Variants in PLBD2 observed in about 807,000 individuals in gnomAD.
PLBD2 encodes phospholipase B domain containing 2, also known as putative aminopeptidase PLBD2.
Under a neutral mutation model 68.3 loss-of-function variants are expected in PLBD2, and 51 were observed. That is an observed-to-expected ratio of 0.75 (90% confidence interval 0.60 to 0.94). The LOEUF (loss-of-function observed/expected upper bound fraction) is 0.94, where lower values mean the gene tolerates loss of function less well. Among genes scored for constraint, PLBD2 ranks in the 40% least tolerant of loss-of-function variants. The probability of loss-of-function intolerance (pLI) is 0.00; values close to 1 mark genes in which losing one functional copy is unlikely to be tolerated. For missense variants in PLBD2, 729 were observed against 792.2 expected (o/e 0.92, Z 0.96); for synonymous variants, 314 against 339.3 (o/e 0.93, Z 0.82).
rs1323455331 is a variant in PLBD2 at position 113,384,679 on chromosome 12, A to G, written c.1119-172A>G. On this transcript the variant is annotated intron_variant, in intron 7 of 11. Transcript: ENST00000280800. This position sits in a 1 kb window ranked among gnomAD's most constrained non-coding sequence, Gnocchi z 4.2. ...TGGAACAGTCAAGCAGCATGACGAG[A>G]GAGGGGTTTGTGGATACCTGGTCAT... Among the ~76,000 whole-genome samples, 1 of 152,108 alleles carries G rather than the reference A, an allele frequency of 6.6e-6. No individual in the cohort carries two copies. The highest frequency in any genetic ancestry group is 1.5e-5 in the Non-Finnish European group (1 of 68,020).
chr12:113,388,092 A>G (rs1357740807), intron 11 of PLBD2, among the ~76,000 whole-genome samples, 186 bp downstream of exon 11: 1 of 152,176 alleles, frequency 6.6e-6, no homozygotes, highest in African/African-American at 2.4e-5. Flanking sequence ...CTGTAATCCC[A>G]GCACTTTGGG....
At chr12:113,360,225 C>T (rs950328797) in intron 1 of PLBD2, among the ~76,000 whole-genome samples, 9 of 152,186 alleles carry the variant, frequency 5.9e-5, no homozygotes, top group African/African-American at 1.9e-4. Context: ...GAGGAGGCCA[C>T]AGAGTGAGCT....
At chr12:113,387,654 C>CT in intron 10 of PLBD2, 90 bp from the exon 11 acceptor site, 1 of 1,395,748 alleles carries the variant, frequency 7.2e-7, no homozygotes, top group African/African-American at 1.4e-5. Context: ...AGGCTGGCAG[C>CT]TGTTAACGGG....
intron 5 of PLBD2, among the ~76,000 whole-genome samples, chr12:113,379,677 G>A (rs1297224181): frequency 3.3e-5 from 5 of 151,618 alleles, no homozygotes; most frequent in East Asian, 2.0e-4. Flanking sequence ...GGTACCTGCC[G>A]GGGGTGGGCC....
intron 5 of PLBD2, among the ~76,000 whole-genome samples, chr12:113,375,628 C>T (rs1285995328): frequency 2.0e-5 from 3 of 152,214 alleles, no homozygotes; most frequent in African/African-American, 2.4e-5. Context: ...CTGATCTTGG[C>T]TAGGCTCACT....
intron 1 of PLBD2, among the ~76,000 whole-genome samples, chr12:113,367,849 A>C (rs973044360): frequency 6.6e-6 from 1 of 151,794 alleles, no homozygotes; most frequent in Non-Finnish European, 1.5e-5. Flanking sequence ...TGGGAGGCTG[A>C]GGTGGGCGGA....
At chr12:113,383,404 A>G (rs898464414) in intron 6 of PLBD2, among the ~76,000 whole-genome samples, 26 of 152,224 alleles carry the variant, frequency 1.7e-4, no homozygotes, top group Admixed American at 9.8e-4. Context: ...GTGCTTGTCC[A>G]AGGAACTGGT....
intron 6 of PLBD2, among the ~76,000 whole-genome samples, chr12:113,382,835 T>TTTTTGTGTGTGTGTGTGTGTG (rs1335785271): frequency 4.7e-5 from 5 of 106,610 alleles, no homozygotes; most frequent in African/African-American, 1.9e-4. Flanking sequence ...TGGTGGTTTT[T>TTTTTGTGTGTGTGTGTGTGTG]TGTGTGTGTG....
intron 9 of PLBD2, among the ~76,000 whole-genome samples, chr12:113,385,753 T>A (rs934461507): frequency 1.3e-5 from 2 of 152,084 alleles, no homozygotes; most frequent in African/African-American, 4.8e-5. Context: ...AGGATTTGTT[T>A]TTTGTTTTTT....
chr12:113,384,375 C>A lies in PLBD2; in HGVS notation c.1118+110C>A. 2 of 1,344,986 alleles carry A rather than the reference C, an allele frequency of 1.5e-6. No homozygotes were observed. The allele number at this position is 1,344,986 out of a possible 1,614,324, so 83.3% of individuals were successfully genotyped here. A position where few individuals can be genotyped will look rare whatever the true frequency, so the allele number is the denominator to read the frequency against. ...GATGTGGCATCCGGGCCACACACCCCACGCCCTCCTTTGTTTCATACATGG... is the reference window on the plus strand; with the variant it reads ...GATGTGGCATCCGGGCCACACACCCAACGCCCTCCTTTGTTTCATACATGG... On this transcript the variant is annotated intron_variant, in intron 7 of 11. Coordinates refer to ENST00000280800, the MANE Select transcript of PLBD2 (RefSeq NM_173542.4). The surrounding 1 kb of genome is among the most constrained non-coding windows in gnomAD (Gnocchi z 4.2).
In PLBD2 at chr12:113,375,107, A is replaced by T. The variant is rs73194891; in HGVS notation, c.859+100A>T. ...TGGGCCTTGGAAACCCTCCCAACAC[A>T]CGGAGTCACTGCAGGGATATTCCAA... is the stretch of plus-strand genomic sequence containing the variant. On this transcript the variant is annotated intron_variant, in intron 5 of 11. Coordinates refer to ENST00000280800, the MANE Select transcript of PLBD2 (RefSeq NM_173542.4). 4.8e-3 allele frequency: 5,121 copies of T among 1,058,950 alleles called. 21 individuals carry two copies. The highest frequency in any genetic ancestry group is 6.1e-3 in the Non-Finnish European group (4,296 of 707,224). 65.6% of individuals were successfully genotyped at this position (1,058,950 alleles called of 1,614,324 possible). A position where few individuals can be genotyped will look rare whatever the true frequency, so the allele number is the denominator to read the frequency against.
intron 1 of PLBD2, among the ~76,000 whole-genome samples, chr12:113,361,239 C>T (rs1396293449): frequency 6.6e-6 from 1 of 151,708 alleles, no homozygotes; most frequent in Non-Finnish European, 1.5e-5. Flanking sequence ...TGGTGAAATC[C>T]CCAGATTTTG....
At chr12:113,381,846 G>C (rs1046871883) in intron 6 of PLBD2, among the ~76,000 whole-genome samples, 1 of 151,758 alleles carries the variant, frequency 6.6e-6, no homozygotes, top group East Asian at 1.9e-4. Context: ...CATAGAGATA[G>C]GGTCTCTCTC....
chr12:113,371,849 G>A (rs937001079), intron 2 of PLBD2, among the ~76,000 whole-genome samples: 1 of 152,206 alleles, frequency 6.6e-6, no homozygotes, highest in Non-Finnish European at 1.5e-5. Flanking sequence ...CCCACGTCTC[G>A]CTCCTAACTA....
intron 1 of PLBD2, 52 bp from the exon 2 acceptor site, chr12:113,369,064 G>C (rs1957365269): frequency 1.5e-6 from 2 of 1,302,904 alleles, no homozygotes; most frequent in Non-Finnish European, 2.2e-6. Context: ...GATGCCATGT[G>C]TCTAGCTGGG....
intron 1 of PLBD2, among the ~76,000 whole-genome samples, chr12:113,365,261 G>A (rs867667333): frequency 1.3e-5 from 2 of 152,190 alleles, no homozygotes; most frequent in South Asian, 2.1e-4. Flanking sequence ...TTATGTGGGA[G>A]CCTCGGTTCC....
chr12:113,364,661 T>C (rs1957326738), intron 1 of PLBD2, among the ~76,000 whole-genome samples: 2 of 152,044 alleles, frequency 1.3e-5, no homozygotes. Context: ...GGAGTCTCGC[T>C]TTATTGTCCA....
rs1957260662 is a variant in PLBD2 at position 113,358,875 on chromosome 12, CCA to C, written c.276_277del (p.Ile93ProfsTer18). The C allele has an allele frequency of 6.6e-7, 1 of 1,526,252 alleles. No individual in the cohort carries two copies. Among genetic ancestry groups the C allele is most frequent in the Non-Finnish European group, 8.8e-7 (1 of 1,139,426 alleles). The allele number at this position is 1,526,252 out of a possible 1,614,324, so 94.5% of individuals were successfully genotyped here. On this transcript the variant is annotated frameshift_variant, in exon 1 of 12. Transcript: ENST00000280800. LOFTEE classifies it high-confidence loss of function. ...GTGGCCTGGGCCAACCTCACCAACG[CCA>C]TCCGCGAGACTGGGTAAGGGTTGGC...
chr12:113,360,914 T>C (rs998952302), intron 1 of PLBD2, among the ~76,000 whole-genome samples: 1 of 152,188 alleles, frequency 6.6e-6, no homozygotes, highest in Non-Finnish European at 1.5e-5. Context: ...TCTTGGACTT[T>C]CTGGCTTGTT....
Sources: gnomAD v4.1 joint callset for allele counts (sites outside exome capture counted in the v4.1 genomes callset) on GRCh38, gnomAD v4.1.1 for gene constraint, Gnocchi (gnomAD v3.1) non-coding constraint, MANE v1.5 for transcripts, NCBI Gene and HGNC (gene_info 2026-07-23, HGNC 2026-07-21) for gene names.